Variants in EPM2A observed in about 807,000 individuals in gnomAD.
The protein encoded by EPM2A is laforin.
In EPM2A, 21 loss-of-function variants were observed where a neutral mutation model predicts 26.5. That is an observed-to-expected ratio of 0.79 (90% CI 0.56 to 1.14). The LOEUF (loss-of-function observed/expected upper bound fraction) is 1.14, where lower values mean the gene tolerates loss of function less well. Ranked by LOEUF, EPM2A falls within the 50% of genes most tolerant of loss-of-function variation. EPM2A has a pLI of 0.00. For missense variants in EPM2A, 458 were observed against 440.8 expected (o/e 1.04, Z -0.35); for synonymous variants, 217 against 177.6 (o/e 1.22, Z -1.76).
At chr6:145,686,757 T>C (rs1404617679) in intron 1 of EPM2A, 2 of 173,172 alleles carry the variant, frequency 1.2e-5, no homozygotes, top group Non-Finnish European at 2.5e-5. Flanking sequence ...ATAAATGCAT[T>C]AATAAGTAAT....
intron 2 of EPM2A, among the ~76,000 whole-genome samples, chr6:145,659,196 C>A (rs1778506505): frequency 6.6e-6 from 1 of 151,950 alleles, no homozygotes; most frequent in Admixed American, 6.6e-5. Flanking sequence ...AAATTATTAA[C>A]CAACCAATTT....
intron 2 of EPM2A, among the ~76,000 whole-genome samples, chr6:145,573,913 T>G (rs1356938467): frequency 6.6e-6 from 1 of 152,178 alleles, no homozygotes; most frequent in East Asian, 1.9e-4. Flanking sequence ...ATGTTTTGGA[T>G]CCCCTGGAAT....
chr6:145,405,000 A>G (rs1217336992), intron 4 of EPM2A, among the ~76,000 whole-genome samples: 1 of 152,172 alleles, frequency 6.6e-6, no homozygotes, highest in African/African-American at 2.4e-5. Context: ...TTCACAGGAA[A>G]GTAATGAACA....
At chr6:145,591,719 C>G (rs1242525629) in intron 2 of EPM2A, among the ~76,000 whole-genome samples, 1 of 151,818 alleles carries the variant, frequency 6.6e-6, no homozygotes, top group East Asian at 1.9e-4. Flanking sequence ...AGAAAATGAC[C>G]TAAGTCAGAA....
intron 4 of EPM2A, chr6:145,491,067 G>A: frequency 2.6e-6 from 2 of 769,414 alleles, no homozygotes; most frequent in Non-Finnish European, 4.4e-6. Context: ...CAATGATTCT[G>A]TGATAACATT....
intron 1 of EPM2A, among the ~76,000 whole-genome samples, chr6:145,699,809 T>G (rs183126142): frequency 2.1e-4 from 32 of 152,182 alleles, no homozygotes; most frequent in Admixed American, 1.2e-3. Context: ...CATTTTTTAA[T>G]GCAAAGCATT....
intron 4 of EPM2A, among the ~76,000 whole-genome samples, chr6:145,420,854 A>C (rs1408865661): frequency 2.0e-5 from 3 of 150,796 alleles, no homozygotes; most frequent in African/African-American, 7.5e-5. Context: ...AGAGAGATAG[A>C]AAGAGAGAGA....
intron 1 of EPM2A, among the ~76,000 whole-genome samples, chr6:145,711,950 G>C (rs139473908): frequency 6.6e-6 from 1 of 152,150 alleles, no homozygotes; most frequent in Non-Finnish European, 1.5e-5. Context: ...ATCTGAACAA[G>C]GTCTAGTTTG....
intron 2 of EPM2A, among the ~76,000 whole-genome samples, chr6:145,534,737 A>G (rs1780407384): frequency 6.6e-6 from 1 of 152,180 alleles, no homozygotes; most frequent in African/African-American, 2.4e-5. Flanking sequence ...CTCTATTTTG[A>G]AATAAATTGT....
intron 2 of EPM2A, among the ~76,000 whole-genome samples, chr6:145,592,897 TAAC>T (rs1203640444): frequency 3.3e-5 from 5 of 152,042 alleles, no homozygotes; most frequent in South Asian, 4.1e-4. Flanking sequence ...AAGATATAAA[TAAC>T]AAGCTGTAAT....
Position 145,596,657 on chromosome 6 carries a change from G to C in EPM2A, c.340+38588C>G, listed in dbSNP as rs530591451. The stretch of plus-strand genomic sequence containing the variant: ...CCTACACCTTTATTTTCTATTAATG[G>C]CTTCCTACACCTCCCACATTTTGTA... On this transcript the variant is annotated intron_variant, in intron 2 of 3. Coordinates refer to the EPM2A transcript ENST00000450221. Among the ~76,000 whole-genome samples, 19 of 151,004 alleles carry C rather than the reference G, an allele frequency of 1.3e-4. No homozygotes were observed. In the South Asian group the frequency reaches 3.6e-3, roughly 29 times the overall value.
At chr6:145,510,763 GAGC>G (rs1447389692) in intron 2 of EPM2A, among the ~76,000 whole-genome samples, 2 of 151,982 alleles carry the variant, frequency 1.3e-5, no homozygotes, top group African/African-American at 4.8e-5. Context: ...ACTAAAATTA[GAGC>G]AGAACTAAAT....
chr6:145,673,357 C>T (rs776393457), intron 2 of EPM2A, among the ~76,000 whole-genome samples: 3 of 152,136 alleles, frequency 2.0e-5, no homozygotes, highest in Non-Finnish European at 2.9e-5. Flanking sequence ...CCAGTGTGAT[C>T]GACGCAGAAG....
chr6:145,674,127 C>T (rs1208103386), intron 2 of EPM2A, among the ~76,000 whole-genome samples: 1 of 152,140 alleles, frequency 6.6e-6, no homozygotes, highest in East Asian at 1.9e-4. Flanking sequence ...TATTCTGCAG[C>T]CTCCACTGGT....
At chr6:145,684,112 A>G (rs191072763) in intron 2 of EPM2A, among the ~76,000 whole-genome samples, 2 of 152,302 alleles carry the variant, frequency 1.3e-5, no homozygotes, top group African/African-American at 4.8e-5. Flanking sequence ...AGTGAATAAC[A>G]GAATAAGTAA....
chr6:145,511,233 G>T (rs1189785037), intron 2 of EPM2A, among the ~76,000 whole-genome samples: 1 of 152,094 alleles, frequency 6.6e-6, no homozygotes, highest in Non-Finnish European at 1.5e-5. Flanking sequence ...GAGGAAGGGG[G>T]ATTCCTCCCT....
chr6:145,431,532 C>A (rs1454898711), intron 4 of EPM2A, among the ~76,000 whole-genome samples: 1 of 152,182 alleles, frequency 6.6e-6, no homozygotes, highest in Non-Finnish European at 1.5e-5. Context: ...ATACTGTGGT[C>A]TATTAAGTAT....
At chr6:145,454,406 C>T (rs1213394915) in intron 4 of EPM2A, among the ~76,000 whole-genome samples, 1 of 152,096 alleles carries the variant, frequency 6.6e-6, no homozygotes, top group Non-Finnish European at 1.5e-5. Flanking sequence ...GACTACCCAT[C>T]TCTAGTTATC....
intron 2 of EPM2A, among the ~76,000 whole-genome samples, chr6:145,608,980 C>G (rs1775331592): frequency 6.6e-6 from 1 of 152,210 alleles, no homozygotes; most frequent in African/African-American, 2.4e-5. Flanking sequence ...ATCATAGTCA[C>G]AAGAATGCTT....
Sources: gnomAD v4.1 joint callset for allele counts (sites outside exome capture counted in the v4.1 genomes callset) on GRCh38, gnomAD v4.1.1 for gene constraint, MANE v1.5 for transcripts, NCBI Gene and HGNC (gene_info 2026-07-23, HGNC 2026-07-21) for gene names.